Variants in PANK2 observed in about 807,000 individuals in gnomAD.
PANK2 encodes pantothenate kinase 2, mitochondrial.
PANK2 carries 36 observed loss-of-function variants against 43.1 expected under a neutral mutation model. That is an observed-to-expected ratio of 0.84 (90% CI 0.64 to 1.10). The LOEUF is 1.10. Among genes scored for constraint, PANK2 ranks in the 50% least tolerant of loss-of-function variants. The probability of loss-of-function intolerance (pLI) is 0.00; values close to 1 mark genes in which losing one functional copy is unlikely to be tolerated. For synonymous variants in PANK2, 281 were observed against 238.2 expected (o/e 1.18, Z -1.66); for missense variants, 576 against 593.3 (o/e 0.97, Z 0.30).
intron 1 of PANK2, among the ~76,000 whole-genome samples, chr20:3,906,597 G>T (rs959222688): frequency 2.0e-5 from 3 of 152,014 alleles, no homozygotes; most frequent in African/African-American, 7.3e-5. Flanking sequence ...TAATATAAAA[G>T]ATAATTATTT....
At chr20:3,896,584 ACTC>A (rs1378026465) in intron 1 of PANK2, among the ~76,000 whole-genome samples, 1 of 151,702 alleles carries the variant, frequency 6.6e-6, no homozygotes, top group Non-Finnish European at 1.5e-5. Flanking sequence ...TGGGACTTTC[ACTC>A]CTCTCCAGCC....
chr20:3,900,098 C>T (rs2090277453), intron 1 of PANK2, among the ~76,000 whole-genome samples: 1 of 151,672 alleles, frequency 6.6e-6, no homozygotes, highest in South Asian at 2.1e-4. Flanking sequence ...AGTATTGTAT[C>T]TGCTTGCTGT....
chr20:3,899,803 C>T (rs1254645638), intron 1 of PANK2, among the ~76,000 whole-genome samples: 1 of 147,152 alleles, frequency 6.8e-6, no homozygotes, highest in Non-Finnish European at 1.5e-5. Flanking sequence ...CGCCTCCCGG[C>T]TTCACACCAT....
chr20:3,903,995 C>T (rs1421930227), intron 1 of PANK2, among the ~76,000 whole-genome samples: 2 of 151,792 alleles, frequency 1.3e-5, no homozygotes, highest in Non-Finnish European at 2.9e-5. Flanking sequence ...ATGATTTCAC[C>T]ATATTGGTCA....
chr20:3,907,377 G>A (rs2090404369), intron 1 of PANK2, among the ~76,000 whole-genome samples: 2 of 152,148 alleles, frequency 1.3e-5, no homozygotes, highest in South Asian at 2.1e-4. Flanking sequence ...GAAATTACAG[G>A]TGTGAGCCAC....
At chr20:3,912,126 A>G (rs1207035579) in intron 3 of PANK2, among the ~76,000 whole-genome samples, 1 of 152,074 alleles carries the variant, frequency 6.6e-6, no homozygotes, top group East Asian at 1.9e-4. Flanking sequence ...TGACTCAGGG[A>G]ATGTACTTGG....
At position 3,914,603 on chromosome 20, in the gene PANK2, A is replaced by AT. The variant is rs1171847997; in HGVS notation, c.1082+1977dup. Among the ~76,000 whole-genome samples, 31 of 142,256 alleles carry AT rather than the reference A, an allele frequency of 2.2e-4. 1 individual carries two copies. The South Asian group carries it at 3.4e-3, about 16-fold the overall frequency. The allele number at this position is 142,256 out of a possible 152,430, so 93.3% of individuals were successfully genotyped here. A position where few individuals can be genotyped will look rare whatever the true frequency, so the allele number is the denominator to read the frequency against. On this transcript the variant is annotated intron_variant, in intron 4 of 6. Transcript: ENST00000610179. ...TGTGAGCCATCACTCCTGGCTGAAC[A>AT]TTTTTTTTGTGTGTGTGGCAGGGTC...
At chr20:3,900,954 A>G (rs557687785) in intron 1 of PANK2, among the ~76,000 whole-genome samples, 17 of 151,668 alleles carry the variant, frequency 1.1e-4, no homozygotes, top group African/African-American at 4.1e-4. Flanking sequence ...TTTTTAGTAG[A>G]GATGGGGGTT....
At chr20:3,901,665 TTTG>T (rs1165097123) in intron 1 of PANK2, 4 of 641,570 alleles carry the variant, frequency 6.2e-6, no homozygotes, top group Middle Eastern at 1.4e-3. Flanking sequence ...AGTCAGTACT[TTTG>T]TTTATTTCTT....
At position 3,924,522 on chromosome 20, in the gene PANK2, G is replaced by A. The variant is rs897095634; in HGVS notation, c.*1228G>A. The stretch of plus-strand genomic sequence containing the variant: ...TGTGGGCTGTGGGCTGTTCCACTAG[G>A]CGTGGCCACCTCTGCACATGGGCCT... On this transcript the variant is annotated 3_prime_UTR_variant, in exon 7 of 7. Coordinates refer to ENST00000610179, the MANE Select transcript of PANK2 (RefSeq NM_001386393.1). 2 of 152,506 alleles carry A rather than the reference G, an allele frequency of 1.3e-5. No homozygotes were observed. Among genetic ancestry groups the A allele is most frequent in the Admixed American group, 6.5e-5 (1 of 15,280 alleles). 9.4% of individuals were successfully genotyped at this position (152,506 alleles called of 1,614,324 possible).
chr20:3,891,759 A>G (rs1026307764), intron 1 of PANK2, among the ~76,000 whole-genome samples: 1 of 152,212 alleles, frequency 6.6e-6, no homozygotes, highest in Admixed American at 6.5e-5. Context: ...AGGTGACTCA[A>G]AGACCACACT....
chr20:3,923,146 TG>T (rs2090673053), intron 6 of PANK2, 97 bp from the exon 7 acceptor site: 1 of 1,351,508 alleles, frequency 7.4e-7, no homozygotes, highest in Non-Finnish European at 1.1e-6. Context: ...GTATGCTGTG[TG>T]TGGGCAGTGG....
At chr20:3,918,855 G>C (rs1464260234) in intron 6 of PANK2, 59 bp downstream of exon 6, 4 of 1,613,082 alleles carry the variant, frequency 2.5e-6, no homozygotes, top group Admixed American at 3.3e-5. Flanking sequence ...GGGTCACACT[G>C]TCATGGAACT....
At chr20:3,922,666 C>T (rs543868921) in intron 6 of PANK2, among the ~76,000 whole-genome samples, 4 of 152,006 alleles carry the variant, frequency 2.6e-5, no homozygotes, top group Non-Finnish European at 5.9e-5. Flanking sequence ...CCTTGCTCTC[C>T]ACACCTCTTA....
intron 4 of PANK2, among the ~76,000 whole-genome samples, chr20:3,913,944 A>T (rs184111476): frequency 4.0e-5 from 6 of 151,558 alleles, no homozygotes; most frequent in Admixed American, 3.3e-4. Context: ...GCCTGCCACC[A>T]CGCCCGGCTA....
intron 1 of PANK2, among the ~76,000 whole-genome samples, chr20:3,900,860 C>T (rs370594228): frequency 1.3e-5 from 2 of 151,856 alleles, no homozygotes; most frequent in African/African-American, 4.8e-5. Flanking sequence ...CCTCTGCCTC[C>T]TGGGTTCAAG....
intron 2 of PANK2, among the ~76,000 whole-genome samples, chr20:3,909,475 C>T (rs911476559): frequency 6.6e-6 from 1 of 152,184 alleles, no homozygotes; most frequent in African/African-American, 2.4e-5. Context: ...AAGTGATCTG[C>T]CTGCCTCGGC....
Position 3,905,583 on chromosome 20 carries a change from A to G in PANK2, c.299-2343A>G, listed in dbSNP as rs570920365. On this transcript the variant is annotated intron_variant, in intron 1 of 6. Transcript: ENST00000610179. ...AGGATGGTCTCGATCTCCTGACCTC[A>G]TGATCCTCCCGCCTCGGCCTCCCAA... 2.0e-5 allele frequency among the ~76,000 whole-genome samples: 3 copies of G among 150,780 alleles called. No individual in the cohort carries two copies. In the South Asian group the frequency reaches 6.3e-4, roughly 32 times the overall value.
rs1040541049 is a variant in PANK2 at position 3,901,502 on chromosome 20, G to A, written c.299-6424G>A. On this transcript the variant is annotated intron_variant, in intron 1 of 6. Coordinates refer to ENST00000610179, the MANE Select transcript of PANK2 (RefSeq NM_001386393.1). ...TTTAAACTATCACTTCTATATTCTT[G>A]TGTAGAATTAATCAGAATCTATCTT... is the stretch of plus-strand genomic sequence containing the variant. The A allele has an allele frequency of 8.9e-6, 5 of 559,300 alleles. No homozygotes were observed. In the African/African-American group the frequency reaches 1.0e-4, roughly 12 times the overall value. 34.6% of individuals were successfully genotyped at this position (559,300 alleles called of 1,614,324 possible). A position where few individuals can be genotyped will look rare whatever the true frequency, so the allele number is the denominator to read the frequency against.
Sources: gnomAD v4.1 joint callset for allele counts (sites outside exome capture counted in the v4.1 genomes callset) on GRCh38, gnomAD v4.1.1 for gene constraint, MANE v1.5 for transcripts, NCBI Gene and HGNC (gene_info 2026-07-23, HGNC 2026-07-21) for gene names.